The following KIAA0319L variants were observed in gnomAD, a reference collection of about 807,000 sequenced individuals.
KIAA0319L encodes dyslexia-associated protein KIAA0319-like protein.
KIAA0319L carries 55 observed loss-of-function variants against 120.1 expected under a neutral mutation model. The observed-to-expected ratio is 0.46, with a 90% CI of 0.37 to 0.57. The LOEUF is 0.57. Among genes scored for constraint, KIAA0319L ranks in the 20% least tolerant of loss-of-function variants. The pLI, the probability that KIAA0319L is intolerant of heterozygous loss-of-function variation, is 0.00. For synonymous variants in KIAA0319L, 398 were observed against 471.9 expected, an observed-to-expected ratio of 0.84 and a Z score of 2.03; for missense variants, 1,049 against 1,255.3, an observed-to-expected ratio of 0.84 and a Z score of 2.48.
intron 17 of KIAA0319L, 46 bp from the exon 18 acceptor site, chr1:35,443,074 G>C (rs201235642): frequency 5.5e-5 from 88 of 1,612,756 alleles, no homozygotes; most frequent in Non-Finnish European, 2.2e-5. Context: ...ACTCAGCCAG[G>C]GGTGACAAGC....
chr1:35,548,603 C>T (rs1007544914), intron 2 of KIAA0319L, among the ~76,000 whole-genome samples: 8 of 151,906 alleles, frequency 5.3e-5, no homozygotes, highest in South Asian at 2.1e-4. Flanking sequence ...TATAAAATTA[C>T]GTGTTATAAT....
Position 35,448,250 on chromosome 1 carries a change from G to A in KIAA0319L, c.2436C>T (p.Ile812=), listed in dbSNP as rs759302592. 6.2e-7 allele frequency: 1 copy of A among 1,614,094 alleles called. No individual in the cohort carries two copies. Among genetic ancestry groups the A allele is most frequent in the Non-Finnish European group, 8.5e-7 (1 of 1,179,988 alleles). The change falls in exon 16 of 21, where the codon ATC becomes ATT. Residue 812 remains isoleucine (I), a synonymous_variant. Transcript: ENST00000325722. ...CCCCCAGGAGGACCCCAATCTGGCGGATGAACATCCCCTTCAGCCTCTCAG... is the reference window on the plus strand; with the variant it reads ...CCCCCAGGAGGACCCCAATCTGGCGAATGAACATCCCCTTCAGCCTCTCAG... ...QLTERLKGMF[I]RQIGVLLGVL... is the part of the protein sequence containing the mutation.
intron 18 of KIAA0319L, 41 bp from the exon 19 acceptor site, chr1:35,442,377 G>A: frequency 6.6e-7 from 1 of 1,504,574 alleles, no homozygotes; most frequent in Non-Finnish European, 9.3e-7. Flanking sequence ...TGGAGGGAGA[G>A]GCTGGGAGGG....
chr1:35,449,356 T>C (rs1641875069), intron 15 of KIAA0319L, among the ~76,000 whole-genome samples: 1 of 152,252 alleles, frequency 6.6e-6, no homozygotes, highest in Non-Finnish European at 1.5e-5. Context: ...AAGAAAATTT[T>C]TATTTCTGCA....
intron 7 of KIAA0319L, among the ~76,000 whole-genome samples, chr1:35,463,235 T>A (rs1643023358): frequency 6.6e-6 from 1 of 152,162 alleles, no homozygotes; most frequent in South Asian, 2.1e-4. Flanking sequence ...CATTCTAACA[T>A]AAGACACTTC....
intron 6 of KIAA0319L, among the ~76,000 whole-genome samples, chr1:35,467,374 A>C (rs1643338291): frequency 6.6e-6 from 1 of 151,918 alleles, no homozygotes. Flanking sequence ...AAAACAAAAA[A>C]GTACCCAGCA....
chr1:35,533,095 A>G (rs1646436091), intron 2 of KIAA0319L: 1 of 152,222 alleles, frequency 6.6e-6, no homozygotes, highest in East Asian at 1.9e-4. Flanking sequence ...GCCAGAAGGA[A>G]ATTCATTAAA....
intron 6 of KIAA0319L, among the ~76,000 whole-genome samples, chr1:35,467,040 C>A (rs778942822): frequency 1.3e-5 from 2 of 151,256 alleles, no homozygotes; most frequent in Non-Finnish European, 2.9e-5. Flanking sequence ...TACAGTGAGC[C>A]GAGATCATGT....
At chr1:35,457,967 G>A (rs961042977) in intron 9 of KIAA0319L, among the ~76,000 whole-genome samples, 17 of 152,014 alleles carry the variant, frequency 1.1e-4, no homozygotes, top group African/African-American at 3.4e-4. Context: ...ACGGAGTCTC[G>A]CTCTGTCGCC....
chr1:35,492,854 C>T (rs544836884), intron 3 of KIAA0319L, among the ~76,000 whole-genome samples: 2 of 152,222 alleles, frequency 1.3e-5, no homozygotes, highest in South Asian at 4.1e-4. Flanking sequence ...ACTTTCGCCA[C>T]TTGGATTCAA....
intron 9 of KIAA0319L, among the ~76,000 whole-genome samples, chr1:35,456,482 G>C (rs993265962): frequency 5.9e-5 from 9 of 152,056 alleles, no homozygotes; most frequent in African/African-American, 2.2e-4. Context: ...ATTCTATAAA[G>C]TATCATCCTC....
chr1:35,438,072 A>G (rs1570595147), intron 20 of KIAA0319L, among the ~76,000 whole-genome samples: 1 of 152,116 alleles, frequency 6.6e-6, no homozygotes, highest in Non-Finnish European at 1.5e-5. Flanking sequence ...TTCAATTATT[A>G]TATGTTGTCA....
intron 3 of KIAA0319L, among the ~76,000 whole-genome samples, chr1:35,489,869 G>C (rs1274422601): frequency 6.6e-6 from 1 of 151,952 alleles, no homozygotes; most frequent in Non-Finnish European, 1.5e-5. Context: ...GTTTCACCAT[G>C]TTGGCCAGGT....
At chr1:35,519,916 G>A (rs1247658460) in intron 2 of KIAA0319L, among the ~76,000 whole-genome samples, 1 of 152,076 alleles carries the variant, frequency 6.6e-6, no homozygotes, top group African/African-American at 2.4e-5. Context: ...TGGGAAAATG[G>A]CAGTCATGGA....
chr1:35,533,414 TA>T (rs1646449479), intron 2 of KIAA0319L: 1 of 152,190 alleles, frequency 6.6e-6, no homozygotes, highest in Non-Finnish European at 1.5e-5. Context: ...AAGCAGTTGA[TA>T]AATTCTTCTC....
intron 20 of KIAA0319L, chr1:35,440,591 T>G (rs1057027176): frequency 6.1e-6 from 1 of 164,422 alleles, no homozygotes; most frequent in Admixed American, 5.9e-5. Context: ...TGACAGAAGC[T>G]GAGGACTTGC....
At position 35,547,683 on chromosome 1, in the gene KIAA0319L, G is replaced by A. The variant is rs538123667; in HGVS notation, c.142+6667C>T. Among the ~76,000 whole-genome samples, 218 of 152,322 alleles carry A rather than the reference G, an allele frequency of 1.4e-3. 2 individuals carry two copies. The highest frequency in any genetic ancestry group is 1.5e-3 in the Non-Finnish European group (100 of 68,038). On this transcript the variant is annotated intron_variant, in intron 2 of 20. Transcript: ENST00000325722. ...TTCCATTTATGAAATGTCCAGAATAGGCAAATCCATAGAGTCAGAAAGCAG... is the reference window on the plus strand; with the variant it reads ...TTCCATTTATGAAATGTCCAGAATAAGCAAATCCATAGAGTCAGAAAGCAG...
chr1:35,517,094 T>C lies in KIAA0319L; in HGVS notation c.143-9959A>G, dbSNP rs556646568. On this transcript the variant is annotated intron_variant, in intron 2 of 20. Coordinates refer to ENST00000325722, the MANE Select transcript of KIAA0319L (RefSeq NM_024874.5). The stretch of plus-strand genomic sequence containing the variant: ...TAAATGGAAAAACATGCCATGCTCA[T>C]GAATAGGAAGAATCAATATCATTAA... 2.0e-5 allele frequency among the ~76,000 whole-genome samples: 3 copies of C among 152,280 alleles called. No homozygotes were observed. In the South Asian group the frequency reaches 6.2e-4, roughly 32 times the overall value.
At chr1:35,438,412 T>C (rs866785888) in intron 20 of KIAA0319L, 39 of 152,112 alleles carry the variant, frequency 2.6e-4, no homozygotes, top group African/African-American at 8.7e-4. Flanking sequence ...TCCTCAAAAA[T>C]GTATCTAGAA....
Sources: allele counts gnomAD v4.1 joint callset (sites outside exome capture counted in the v4.1 genomes callset), GRCh38; gene constraint gnomAD v4.1.1; transcripts MANE v1.5; gene names NCBI Gene and HGNC (gene_info 2026-07-23, HGNC 2026-07-21).